TMEM63C: variants seen among roughly 807,000 people sequenced by gnomAD.
TMEM63C encodes the protein transmembrane protein 63C.
In TMEM63C, 32 loss-of-function variants were observed where a neutral mutation model predicts 99.2. The ratio of observed to expected loss-of-function variants is 0.32; its 90% CI spans 0.24 to 0.43. The LOEUF (loss-of-function observed/expected upper bound fraction) is 0.43. Ranked by LOEUF, TMEM63C falls within the 20% of genes least tolerant of loss-of-function variation. The pLI is 1.00. For synonymous variants in TMEM63C, 376 were observed against 397.9 expected (o/e 0.94, Z 0.66); for missense variants, 826 against 1,053.0 (o/e 0.78, Z 2.98).
At chr14:77,191,756 C>T (rs773741916) in intron 1 of TMEM63C, among the ~76,000 whole-genome samples, 2 of 151,726 alleles carry the variant, frequency 1.3e-5, no homozygotes, top group Admixed American at 1.3e-4. Context: ...GTTGGTCAGG[C>T]TGGTCTCGAA....
chr14:77,253,498 G>GA lies in TMEM63C; in HGVS notation c.2220+123dup, dbSNP rs1889408412. The GA allele has an allele frequency of 4.1e-6, 4 of 981,056 alleles. No homozygotes were observed. In the Admixed American group the frequency reaches 6.0e-5, roughly 15 times the overall value. The allele number at this position is 981,056 out of a possible 1,614,324, so 60.8% of individuals were successfully genotyped here. ...TCTGGGTATGGGGAAGGAGATGGGG[G>GA]ACCCCTGGGCTCCCTCCTCTAATGG... On this transcript the variant is annotated intron_variant, in intron 23 of 23. Coordinates refer to ENST00000298351, the MANE Select transcript of TMEM63C (RefSeq NM_020431.4).
At chr14:77,241,813 G>T (rs534861498) in intron 13 of TMEM63C, among the ~76,000 whole-genome samples, 1 of 152,154 alleles carries the variant, frequency 6.6e-6, no homozygotes, top group African/African-American at 2.4e-5. Flanking sequence ...GAGAGGATCC[G>T]GGGCTTAATT....
rs570886480 is a variant in TMEM63C, at chr14:77,188,477, C to T, written c.-77+6583C>T. ...AAATGTGTATATGCTTTATGACCAACGATTTCACATCTAGGTATACATTAC... is the reference window on the plus strand; with the variant it reads ...AAATGTGTATATGCTTTATGACCAATGATTTCACATCTAGGTATACATTAC... On this transcript the variant is annotated intron_variant, in intron 1 of 23. Transcript: ENST00000298351. 4.6e-5 allele frequency among the ~76,000 whole-genome samples: 7 copies of T among 152,252 alleles called. No homozygotes were observed. In the South Asian group the frequency reaches 8.3e-4, roughly 18 times the overall value.
At chr14:77,198,168 G>A (rs1235395974) in intron 1 of TMEM63C, among the ~76,000 whole-genome samples, 1 of 152,242 alleles carries the variant, frequency 6.6e-6, no homozygotes, top group East Asian at 1.9e-4. Context: ...GGCAGCAGAC[G>A]TGACGTCATG....
chr14:77,188,367 A>G (rs1224005605), intron 1 of TMEM63C, among the ~76,000 whole-genome samples: 1 of 152,226 alleles, frequency 6.6e-6, no homozygotes, highest in Non-Finnish European at 1.5e-5. Flanking sequence ...GCTTAATGAC[A>G]ATAGCTTGAG....
chr14:77,217,244 T>G (rs1888606161), intron 2 of TMEM63C, among the ~76,000 whole-genome samples: 1 of 152,068 alleles, frequency 6.6e-6, no homozygotes, highest in Non-Finnish European at 1.5e-5. Context: ...TCCCCAACTC[T>G]CCGGGCAAGC....
chr14:77,251,967 C>T, intron 22 of TMEM63C, 69 bp downstream of exon 22: 2 of 1,277,724 alleles, frequency 1.6e-6, no homozygotes, highest in Non-Finnish European at 2.3e-6. Context: ...AGGATACTCT[C>T]CAGGTCTGGG....
Position 77,242,310 on chromosome 14 carries a change from CAGACCCACATTTCTTCCTCTTCT to C in TMEM63C, c.1065-36_1065-14del. 6.3e-7 allele frequency: 1 copy of C among 1,592,738 alleles called. No homozygotes were observed. Among genetic ancestry groups the C allele is most frequent in the East Asian group, 2.3e-5 (1 of 43,688 alleles). On this transcript the variant is annotated splice_polypyrimidine_tract_variant and intron_variant, in intron 13 of 23. Transcript: ENST00000298351. ...CCTCCTAAGCCCATCCCCCCACCCC[CAGACCCACATTTCTTCCTCTTCT>C]CCCCTCTCTGCAGTGTCCGTAAGGA...
At chr14:77,252,177 G>C (rs1336525532) in intron 22 of TMEM63C, among the ~76,000 whole-genome samples, 3 of 152,116 alleles carry the variant, frequency 2.0e-5, no homozygotes, top group African/African-American at 7.2e-5. Context: ...CCAAACTGCA[G>C]GCTGCTGCGA....
At position 77,248,392 on chromosome 14, in the gene TMEM63C, G is replaced by A. The variant is rs1260271215; in HGVS notation, c.1647G>A (p.Val549=). Residue 549 remains valine, a synonymous_variant, in exon 19 of 24, where the codon GTG becomes GTA. Transcript: ENST00000298351. ...PDNGAFFVNY[V]ITAALLGTGM... The stretch of plus-strand genomic sequence containing the variant: ...ACGGCGCCTTCTTTGTCAACTACGT[G>A]ATCACGGCAGCTTTACTTGGCACAG... The A allele has an allele frequency of 6.2e-7, 1 of 1,610,130 alleles. No homozygotes were observed.
At chr14:77,243,885 C>T (rs564956625) in intron 15 of TMEM63C, among the ~76,000 whole-genome samples, 6 of 152,210 alleles carry the variant, frequency 3.9e-5, no homozygotes, top group East Asian at 1.9e-4. Flanking sequence ...CATGCACACA[C>T]GTACACACAC....
intron 1 of TMEM63C, among the ~76,000 whole-genome samples, chr14:77,190,407 A>T (rs1888083625): frequency 6.6e-6 from 1 of 152,192 alleles, no homozygotes; most frequent in African/African-American, 2.4e-5. Context: ...AGAAAGAGAG[A>T]TTCTAAATTA....
chr14:77,256,162 A>T (rs1314455243), intron 23 of TMEM63C, among the ~76,000 whole-genome samples: 1 of 152,218 alleles, frequency 6.6e-6, no homozygotes, highest in Non-Finnish European at 1.5e-5. Flanking sequence ...CTGTATTAGA[A>T]GGTGCACTAG....
At chr14:77,210,498 T>A (rs12881255) in intron 1 of TMEM63C, among the ~76,000 whole-genome samples, 62,292 of 152,008 alleles carry the variant, frequency 0.41, 13,110 homozygotes, top group East Asian at 0.68. Context: ...GAAAGATTTA[T>A]GGCCAGCAGA....
chr14:77,233,607 A>G (rs1054596712), intron 8 of TMEM63C, 107 bp downstream of exon 8: 91 of 1,198,762 alleles, frequency 7.6e-5, no homozygotes, highest in Non-Finnish European at 1.1e-4. Flanking sequence ...CTGATAAGAA[A>G]GGCCTGGTTT....
chr14:77,186,042 C>T (rs1887988492), intron 1 of TMEM63C, among the ~76,000 whole-genome samples: 1 of 151,642 alleles, frequency 6.6e-6, no homozygotes, highest in Admixed American at 6.6e-5. Flanking sequence ...AACAGAGTCT[C>T]GTTCTGTTGC....
chr14:77,253,883 C>T (rs1347733006), intron 23 of TMEM63C, among the ~76,000 whole-genome samples: 1 of 134,504 alleles, frequency 7.4e-6, no homozygotes, highest in Non-Finnish European at 1.5e-5. Flanking sequence ...AGGCTGGGTG[C>T]TGTCTCTCAC....
Position 77,208,004 on chromosome 14 carries a change from C to T in TMEM63C, c.-76-5442C>T, listed in dbSNP as rs143350936. On this transcript the variant is annotated intron_variant, in intron 1 of 23. Transcript: ENST00000298351. The stretch of plus-strand genomic sequence containing the variant: ...ACCAGCCCCCCAGCTCAGGCCCTAA[C>T]TTCACGGTACTAACTCCCTGATCTG... Among the ~76,000 whole-genome samples the T allele has an allele frequency of 7.7e-3, 1,174 of 152,308 alleles. 9 individuals carry two copies. Among genetic ancestry groups the T allele is most frequent in the Non-Finnish European group, 9.5e-3 (646 of 68,020 alleles).
chr14:77,214,294 T>C (rs946794913), intron 2 of TMEM63C, among the ~76,000 whole-genome samples: 1 of 152,174 alleles, frequency 6.6e-6, no homozygotes, highest in African/African-American at 2.4e-5. Context: ...AAGTGAGGCA[T>C]GGGGACTGTA....
Sources: allele counts gnomAD v4.1 joint callset (sites outside exome capture counted in the v4.1 genomes callset), GRCh38; gene constraint gnomAD v4.1.1; transcripts MANE v1.5; gene names NCBI Gene and HGNC (gene_info 2026-07-23, HGNC 2026-07-21).